BEND4: variants seen among roughly 807,000 people sequenced by gnomAD.
BEND4 encodes the protein BEN domain containing 4.
BEND4 carries 27 observed loss-of-function variants against 54.7 expected under a neutral mutation model. The observed-to-expected ratio is 0.49, with a 90% CI of 0.36 to 0.68. BEND4 has a LOEUF of 0.68. BEND4 is among the 30% of genes least tolerant of loss of function. The probability of loss-of-function intolerance (pLI) is 0.00; values close to 1 mark genes in which losing one functional copy is unlikely to be tolerated. For synonymous variants in BEND4, 327 were observed against 299.5 expected (o/e 1.09, Z -0.95); for missense variants, 702 against 697.2 (o/e 1.01, Z -0.08).
intron 2 of BEND4, among the ~76,000 whole-genome samples, chr4:42,150,160 A>G (rs557135038): frequency 6.6e-6 from 1 of 152,224 alleles, no homozygotes; most frequent in Non-Finnish European, 1.5e-5. Flanking sequence ...GGAGAAAATA[A>G]GATCTCAAGC....
At chr4:42,149,495 C>T (rs1190303478) in intron 2 of BEND4, among the ~76,000 whole-genome samples, 1 of 152,190 alleles carries the variant, frequency 6.6e-6, no homozygotes, top group African/African-American at 2.4e-5. Context: ...GGATCCAGCC[C>T]TTGGTGCTAT....
chr4:42,134,764 A>C (rs1290769543), intron 3 of BEND4, among the ~76,000 whole-genome samples: 1 of 152,226 alleles, frequency 6.6e-6, no homozygotes, highest in Admixed American at 6.5e-5. Flanking sequence ...CTAAAGGATG[A>C]ATAGGAGTTT....
rs1028184002 is a variant in BEND4 at position 42,136,498 on chromosome 4, A to G, written c.1054+6930T>C. On this transcript the variant is annotated intron_variant, in intron 3 of 5. Transcript: ENST00000502486. ...ACCAAAATGTATTTGTAACCCCCAA[A>G]TCAGAACTTGTGGTGCTTTTGCAGT... Among the ~76,000 whole-genome samples, 6 of 152,176 alleles carry G rather than the reference A, an allele frequency of 3.9e-5. No individual in the cohort carries two copies. In the South Asian group the frequency reaches 1.2e-3, roughly 32 times the overall value.
At chr4:42,139,591 G>GAAA (rs35596478) in intron 3 of BEND4, among the ~76,000 whole-genome samples, 1 of 138,784 alleles carries the variant, frequency 7.2e-6, no homozygotes, top group Admixed American at 7.2e-5. Flanking sequence ...CTTTATTTCA[G>GAAA]AAAAAAAAAA....
chr4:42,148,612 A>C (rs1198446818), intron 2 of BEND4, among the ~76,000 whole-genome samples: 1 of 152,226 alleles, frequency 6.6e-6, no homozygotes, highest in African/African-American at 2.4e-5. Context: ...AGATGTGTAG[A>C]TTTATGAATA....
At chr4:42,125,052 T>C (rs922153238) in intron 4 of BEND4, among the ~76,000 whole-genome samples, 3 of 152,246 alleles carry the variant, frequency 2.0e-5, no homozygotes, top group Non-Finnish European at 2.9e-5. Context: ...AAACTGAGTC[T>C]TGAACATCTT....
chr4:42,142,584 C>A (rs1266820734), intron 3 of BEND4, among the ~76,000 whole-genome samples: 1 of 145,378 alleles, frequency 6.9e-6, no homozygotes, highest in Admixed American at 7.1e-5. Flanking sequence ...AGTGAGCCCA[C>A]ACGGTGCCAC....
intron 3 of BEND4, among the ~76,000 whole-genome samples, chr4:42,131,136 T>C (rs1386018129): frequency 1.3e-5 from 2 of 152,182 alleles, no homozygotes; most frequent in Non-Finnish European, 2.9e-5. Context: ...GCGTAGGTGA[T>C]GGGTTGACAG....
intron 4 of BEND4, among the ~76,000 whole-genome samples, chr4:42,121,790 G>T (rs1026214377): frequency 6.6e-6 from 1 of 152,164 alleles, no homozygotes; most frequent in Non-Finnish European, 1.5e-5. Context: ...GAAAGCTGTC[G>T]AACTGAGAGG....
rs774629426 is a variant in BEND4 at position 42,152,276 on chromosome 4, GGCCGCC to G, written c.-139_-134del. The G allele has an allele frequency of 3.0e-5, 28 of 924,846 alleles. No individual in the cohort carries two copies. The highest frequency in any genetic ancestry group is 9.0e-5 in the Admixed American group (2 of 22,274). 57.3% of individuals were successfully genotyped at this position (924,846 alleles called of 1,614,324 possible). A position where few individuals can be genotyped will look rare whatever the true frequency, so the allele number is the denominator to read the frequency against. ...GTGGGAGGGTGTGTGTCTGTGCCGT[GGCCGCC>G]GCCGCCGCCGCCTGTCGCTGAGGCT... is the stretch of plus-strand genomic sequence containing the variant. On this transcript the variant is annotated 5_prime_UTR_variant, in exon 2 of 6. Transcript: ENST00000502486.
rs1235491763 is a variant in BEND4, at chr4:42,151,987, G to A, written c.157C>T (p.Arg53Trp). 3.2e-6 allele frequency: 4 copies of A among 1,253,810 alleles called. No homozygotes were observed. Among genetic ancestry groups the A allele is most frequent in the South Asian group, 4.0e-5 (1 of 24,820 alleles). The allele number at this position is 1,253,810 out of a possible 1,614,324, so 77.7% of individuals were successfully genotyped here. A position where few individuals can be genotyped will look rare whatever the true frequency, so the allele number is the denominator to read the frequency against. The change falls in exon 2 of 6, where the codon CGG becomes TGG. Residue 53 changes from arginine (R) to tryptophan (W), a missense_variant. Physicochemically the swap from Arg to Trp is moderately radical, Grantham distance 101. Transcript: ENST00000502486. ...RPTLVELPHV[R>W]APPPPPPPFA... ...GGCGGCGGGGGCGGCGGGGGCGCCC[G>A]CACGTGCGGCAGCTCCACCAGGGTG...
Position 42,114,331 on chromosome 4 carries a change from G to A in BEND4, c.*3187C>T, listed in dbSNP as rs1053881054. 1.1e-4 allele frequency: 17 copies of A among 152,280 alleles called. No individual in the cohort carries two copies. The highest frequency in any genetic ancestry group is 3.4e-3 in the Middle Eastern group (1 of 294). The allele number at this position is 152,280 out of a possible 1,614,324, so 9.4% of individuals were successfully genotyped here. A position where few individuals can be genotyped will look rare whatever the true frequency, so the allele number is the denominator to read the frequency against. On this transcript the variant is annotated 3_prime_UTR_variant, in exon 6 of 6. Coordinates refer to ENST00000502486, the MANE Select transcript of BEND4 (RefSeq NM_207406.4). Reference sequence around the variant, plus strand: ...CAAGATTTTAATTTGGAAAACACAGGACAGTTGTCACTTTTTGTAGGTATG... The same window carrying A: ...CAAGATTTTAATTTGGAAAACACAGAACAGTTGTCACTTTTTGTAGGTATG...
In BEND4 at chr4:42,123,694, G is replaced by GAAAAAAAAAAAA. The variant is rs71664396; in HGVS notation, c.1146+1877_1146+1888dup. 3.5e-4 allele frequency among the ~76,000 whole-genome samples: 18 copies of GAAAAAAAAAAAA among 50,810 alleles called. 1 individual carries two copies. The highest frequency in any genetic ancestry group is 1.4e-3 in the African/African-American group (18 of 13,330). 33.3% of individuals were successfully genotyped at this position (50,810 alleles called of 152,430 possible). On this transcript the variant is annotated intron_variant, in intron 4 of 5. Transcript: ENST00000502486. ...ATATTTACTTTGGATCTGTAATTCA[G>GAAAAAAAAAAAA]AAAAAAAAAAAAAAAAAAAAAAACA...
At chr4:42,131,087 G>C (rs972563404) in intron 3 of BEND4, among the ~76,000 whole-genome samples, 8 of 152,214 alleles carry the variant, frequency 5.3e-5, no homozygotes, top group Admixed American at 3.9e-4. Context: ...CAGTGGGTGA[G>C]AGCATCAGGG....
rs1560571550 is a variant in BEND4 at position 42,112,420 on chromosome 4, G to C, written c.*5098C>G. ...CCCAAATAGTTTTCCAATGTGGCCA[G>C]GATACATCTGGCCACTTGTACTGGC... is the stretch of plus-strand genomic sequence containing the variant. On this transcript the variant is annotated 3_prime_UTR_variant, in exon 6 of 6. Transcript: ENST00000502486. 1 of 152,208 alleles carries C rather than the reference G, an allele frequency of 6.6e-6. No individual in the cohort carries two copies. The highest frequency in any genetic ancestry group is 1.5e-5 in the Non-Finnish European group (1 of 68,040). The allele number at this position is 152,208 out of a possible 1,614,324, so 9.4% of individuals were successfully genotyped here. A position where few individuals can be genotyped will look rare whatever the true frequency, so the allele number is the denominator to read the frequency against.
rs1721325799 is a variant in BEND4 at position 42,152,130 on chromosome 4, A to C, written c.14T>G (p.Met5Arg). 1 of 1,245,134 alleles carries C rather than the reference A, an allele frequency of 8.0e-7. No homozygotes were observed. The highest frequency in any genetic ancestry group is 1.0e-6 in the Non-Finnish European group (1 of 986,104). 77.1% of individuals were successfully genotyped at this position (1,245,134 alleles called of 1,614,324 possible). A position where few individuals can be genotyped will look rare whatever the true frequency, so the allele number is the denominator to read the frequency against. Residue 5 changes from methionine (M) to arginine (R), a missense_variant, in exon 2 of 6, where the codon ATG becomes AGG. Coordinates refer to ENST00000502486, the MANE Select transcript of BEND4 (RefSeq NM_207406.4). ...GCTGGGCCCCTCCTCTGCCGGCTGC[A>C]TCTCTTCCTCCATCCGGCGCCTCGG... is the stretch of plus-strand genomic sequence containing the variant. MEEE[M>R]QPAEEGPSVP... is the part of the protein sequence containing the mutation.
rs1719809423 is a variant in BEND4 at position 42,115,954 on chromosome 4, CA to C, written c.*1563del. The C allele has an allele frequency of 6.6e-6, 1 of 152,184 alleles. No individual in the cohort carries two copies. The highest frequency in any genetic ancestry group is 1.5e-5 in the Non-Finnish European group (1 of 68,022). 9.4% of individuals were successfully genotyped at this position (152,184 alleles called of 1,614,324 possible). A position where few individuals can be genotyped will look rare whatever the true frequency, so the allele number is the denominator to read the frequency against. On this transcript the variant is annotated 3_prime_UTR_variant, in exon 6 of 6. Transcript: ENST00000502486. ...TCTGACAGATGACCACCTCCATAAA[CA>C]TTAAACTTTTCAATGGATGAATTCT...
chr4:42,142,985 T>C (rs959673797), intron 3 of BEND4, among the ~76,000 whole-genome samples: 2 of 152,252 alleles, frequency 1.3e-5, no homozygotes, highest in South Asian at 2.1e-4. Context: ...TTAATTTCTA[T>C]CATTGACTAA....
At chr4:42,125,359 G>A (rs975195493) in intron 4 of BEND4, among the ~76,000 whole-genome samples, 7 of 152,176 alleles carry the variant, frequency 4.6e-5, no homozygotes, top group Non-Finnish European at 8.8e-5. Flanking sequence ...TATTTAAATT[G>A]TCATTAGCTC....
Sources: allele counts gnomAD v4.1 joint callset (sites outside exome capture counted in the v4.1 genomes callset), GRCh38; gene constraint gnomAD v4.1.1; transcripts MANE v1.5; gene names NCBI Gene and HGNC (gene_info 2026-07-23, HGNC 2026-07-21).